The following SCFD2 variants were observed in gnomAD, a reference collection of about 807,000 sequenced individuals.
SCFD2 encodes the protein sec1 family domain-containing protein 2.
A neutral mutation model predicts 58.9 loss-of-function variants in SCFD2; 54 were observed. That is an observed-to-expected ratio of 0.92 (90% CI 0.74 to 1.15). SCFD2 has a LOEUF of 1.15. SCFD2 is among the 50% of genes most tolerant of loss of function. SCFD2 has a pLI of 0.00. For missense variants in SCFD2, 805 were observed against 836.6 expected, an observed-to-expected ratio of 0.96 and a Z score of 0.47; for synonymous variants, 321 against 335.9, an observed-to-expected ratio of 0.96 and a Z score of 0.49.
chr4:53,169,096 C>T (rs1322649717), intron 4 of SCFD2, among the ~76,000 whole-genome samples: 5 of 152,216 alleles, frequency 3.3e-5, no homozygotes, highest in African/African-American at 7.2e-5. Context: ...AATGCATAGG[C>T]CGGGCGTGGT....
chr4:53,110,453 C>T (rs1318724514), intron 5 of SCFD2, among the ~76,000 whole-genome samples: 1 of 152,118 alleles, frequency 6.6e-6, no homozygotes, highest in East Asian at 1.9e-4. Flanking sequence ...AGTGAATGGG[C>T]AACTTACACA....
chr4:53,163,361 T>G (rs1418913619), intron 4 of SCFD2, among the ~76,000 whole-genome samples: 1 of 152,186 alleles, frequency 6.6e-6, no homozygotes, highest in Non-Finnish European at 1.5e-5. Flanking sequence ...ACTCACTGGC[T>G]TCTTCCAATT....
intron 8 of SCFD2, among the ~76,000 whole-genome samples, chr4:52,884,567 CTT>C (rs1311857521): frequency 6.6e-6 from 1 of 151,746 alleles, no homozygotes; most frequent in Non-Finnish European, 1.5e-5. Flanking sequence ...TCTTCACTGT[CTT>C]TTTTTTTCTG....
At chr4:53,181,856 C>T (rs1727570261) in intron 4 of SCFD2, among the ~76,000 whole-genome samples, 1 of 152,078 alleles carries the variant, frequency 6.6e-6, no homozygotes, top group Non-Finnish European at 1.5e-5. Context: ...TTCTTATACA[C>T]CAATAACAGA....
chr4:52,939,626 C>A (rs1041735153), intron 5 of SCFD2, among the ~76,000 whole-genome samples: 1 of 150,500 alleles, frequency 6.6e-6, no homozygotes, highest in Non-Finnish European at 1.5e-5. Context: ...GTGTGGGCAA[C>A]AGACAAGTAA....
At chr4:52,992,498 A>T (rs1410009908) in intron 5 of SCFD2, among the ~76,000 whole-genome samples, 1 of 148,188 alleles carries the variant, frequency 6.7e-6, no homozygotes, top group African/African-American at 2.5e-5. Flanking sequence ...ATCGTCTGGG[A>T]TGTGAGGAGC....
intron 5 of SCFD2, among the ~76,000 whole-genome samples, chr4:52,986,332 C>G (rs1279538321): frequency 6.6e-6 from 1 of 151,820 alleles, no homozygotes; most frequent in Non-Finnish European, 1.5e-5. Context: ...AATTCTGCAA[C>G]GTTTGTGGCT....
intron 3 of SCFD2, among the ~76,000 whole-genome samples, chr4:53,313,123 A>G (rs1732740093): frequency 6.6e-6 from 1 of 152,226 alleles, no homozygotes; most frequent in Admixed American, 6.5e-5. Flanking sequence ...AAAATTAGGT[A>G]TGTAATTCCT....
intron 2 of SCFD2, among the ~76,000 whole-genome samples, chr4:53,342,554 C>G (rs1472854830): frequency 1.3e-5 from 2 of 152,146 alleles, no homozygotes; most frequent in Non-Finnish European, 2.9e-5. Flanking sequence ...ATCAACGAGA[C>G]AGAAAGTTAA....
intron 5 of SCFD2, among the ~76,000 whole-genome samples, chr4:53,103,473 G>A (rs1724887642): frequency 6.6e-6 from 1 of 151,274 alleles, no homozygotes; most frequent in Non-Finnish European, 1.5e-5. Flanking sequence ...ATAAACAAAT[G>A]TTTAGCTTAA....
At chr4:53,239,273 A>T (rs1308496044) in intron 4 of SCFD2, among the ~76,000 whole-genome samples, 1 of 151,924 alleles carries the variant, frequency 6.6e-6, no homozygotes, top group African/African-American at 2.4e-5. Context: ...TCAGGCAGGG[A>T]GGTTGCAGTG....
chr4:52,973,060 A>T (rs1478841878), intron 5 of SCFD2, among the ~76,000 whole-genome samples: 1 of 152,232 alleles, frequency 6.6e-6, no homozygotes, highest in Non-Finnish European at 1.5e-5. Flanking sequence ...CCACAAGAGA[A>T]AACAGGAAAG....
chr4:53,274,412 T>C (rs369303699), intron 3 of SCFD2, among the ~76,000 whole-genome samples: 23 of 152,326 alleles, frequency 1.5e-4, no homozygotes, highest in African/African-American at 4.8e-4. Context: ...TGTGTGTGTA[T>C]GTACCTAAAA....
chr4:52,876,751 G>A (rs1718483353), intron 8 of SCFD2, among the ~76,000 whole-genome samples: 1 of 96,394 alleles, frequency 1.0e-5, no homozygotes, highest in East Asian at 3.4e-4. Context: ...CTCTGTCTCT[G>A]TCTCGAAAAA....
intron 5 of SCFD2, among the ~76,000 whole-genome samples, chr4:53,027,405 C>T (rs1415339535): frequency 6.6e-6 from 1 of 152,174 alleles, no homozygotes; most frequent in Non-Finnish European, 1.5e-5. Context: ...AGAGAAATCT[C>T]TCCCAGCCCC....
chr4:53,207,502 T>TAAATATATAAATAA (rs1314421989), intron 4 of SCFD2, among the ~76,000 whole-genome samples: 2 of 39,116 alleles, frequency 5.1e-5, no homozygotes, highest in Non-Finnish European at 8.0e-5. Flanking sequence ...TTCATATATA[T>TAAATATATAAATAA]ATATTATATA....
chr4:52,961,307 G>A (rs573167094), intron 5 of SCFD2, among the ~76,000 whole-genome samples: 1 of 152,204 alleles, frequency 6.6e-6, no homozygotes, highest in African/African-American at 2.4e-5. Context: ...ATGTAATCCC[G>A]AAGCTACTGG....
At chr4:53,298,889 C>A (rs914618560) in intron 3 of SCFD2, among the ~76,000 whole-genome samples, 1 of 152,228 alleles carries the variant, frequency 6.6e-6, no homozygotes, top group Non-Finnish European at 1.5e-5. Context: ...AGGGTCCTGA[C>A]TGTTAGAAGG....
intron 5 of SCFD2, among the ~76,000 whole-genome samples, chr4:53,013,212 T>C (rs147657407): frequency 7.5e-4 from 115 of 152,360 alleles, no homozygotes; most frequent in African/African-American, 2.7e-3. Context: ...TGTGACTAAA[T>C]GTTACAAAGA....
Sources: gnomAD v4.1 joint callset for allele counts (sites outside exome capture counted in the v4.1 genomes callset) on GRCh38, gnomAD v4.1.1 for gene constraint, MANE v1.5 for transcripts, NCBI Gene and HGNC (gene_info 2026-07-23, HGNC 2026-07-21) for gene names.